FNDC3A: variants seen among roughly 807,000 people sequenced by gnomAD.
FNDC3A encodes fibronectin type-III domain-containing protein 3A.
Under a neutral mutation model 148.9 loss-of-function variants are expected in FNDC3A, and 32 were observed. The ratio of observed to expected loss-of-function variants is 0.21; its 90% CI spans 0.16 to 0.29. FNDC3A has a LOEUF of 0.29. Among genes scored for constraint, FNDC3A ranks in the 10% least tolerant of loss-of-function variants. The pLI is 1.00. For synonymous variants in FNDC3A, 472 were observed against 473.6 expected, an observed-to-expected ratio of 1.00 and a Z score of 0.04; for missense variants, 1,191 against 1,452.8, an observed-to-expected ratio of 0.82 and a Z score of 2.93.
At position 49,207,113 on chromosome 13, in the gene FNDC3A, T is replaced by C. The variant is rs753602695; in HGVS notation, c.3315T>C (p.Tyr1105=). Residue 1105 remains tyrosine (Y), a synonymous_variant, in exon 26 of 26, where the codon TAT becomes TAC. Coordinates refer to ENST00000492622, the MANE Select transcript of FNDC3A (RefSeq NM_001079673.2). ...IYKGPDSSFR[Y]SSLQLNCEYR... Reference sequence around the variant, plus strand: ...AGGGTCCCGACTCTTCCTTCCGGTATTCCAGCCTTCAGCTGAACTGTGAAT... The same window carrying C: ...AGGGTCCCGACTCTTCCTTCCGGTACTCCAGCCTTCAGCTGAACTGTGAAT... The C allele has an allele frequency of 2.5e-5, 40 of 1,614,036 alleles. No individual in the cohort carries two copies. The Middle Eastern group carries it at 2.6e-3, about 106-fold the overall frequency.
intron 2 of FNDC3A, among the ~76,000 whole-genome samples, chr13:49,013,502 G>C (rs1037527190): frequency 6.6e-6 from 1 of 151,338 alleles, no homozygotes; most frequent in Non-Finnish European, 1.5e-5. Flanking sequence ...ACATGTACAT[G>C]CGTATACATA....
intron 12 of FNDC3A, 64 bp from the exon 13 acceptor site, chr13:49,175,303 C>T: frequency 1.7e-6 from 2 of 1,195,100 alleles, no homozygotes; most frequent in Non-Finnish European, 2.3e-6. Flanking sequence ...ACATCTGTCA[C>T]AAACTTGTTC....
At chr13:49,017,830 G>A (rs1193806368) in intron 2 of FNDC3A, among the ~76,000 whole-genome samples, 1 of 151,930 alleles carries the variant, frequency 6.6e-6, no homozygotes, top group Non-Finnish European at 1.5e-5. Context: ...TTGCTTGTCT[G>A]TAAAGTATTT....
intron 2 of FNDC3A, among the ~76,000 whole-genome samples, chr13:49,068,406 T>C (rs943867942): frequency 1.3e-5 from 2 of 152,090 alleles, no homozygotes; most frequent in East Asian, 3.8e-4. Context: ...TAAAAACAGT[T>C]GTTGGATCAC....
At chr13:49,113,477 G>T (rs1052888333) in intron 3 of FNDC3A, among the ~76,000 whole-genome samples, 1 of 152,110 alleles carries the variant, frequency 6.6e-6, no homozygotes, top group Non-Finnish European at 1.5e-5. Context: ...ATCCGGATTT[G>T]TTGTGACCTC....
chr13:49,054,282 TCTGTAGTATACAAC>T (rs1377277994), intron 2 of FNDC3A, among the ~76,000 whole-genome samples: 16 of 152,348 alleles, frequency 1.1e-4, no homozygotes, highest in African/African-American at 3.8e-4. Flanking sequence ...TAATAGTTCA[TCTGTAGTATACAAC>T]CTGTAGTATA....
rs549196090 is a variant in FNDC3A at position 49,115,391 on chromosome 13, A to C, written c.252+660A>C. Among the ~76,000 whole-genome samples the C allele has an allele frequency of 2.0e-5, 3 of 152,284 alleles. No homozygotes were observed. The East Asian group carries it at 5.8e-4, about 29-fold the overall frequency. ...GCTTTGCCTCAATCTATTTTGGGAAATAATCATTTTCTCTCCCTAGCATTG... is the reference window on the plus strand; with the variant it reads ...GCTTTGCCTCAATCTATTTTGGGAACTAATCATTTTCTCTCCCTAGCATTG... On this transcript the variant is annotated intron_variant, in intron 4 of 25. Transcript: ENST00000492622.
intron 2 of FNDC3A, chr13:49,045,588 C>A: frequency 2.2e-6 from 1 of 458,764 alleles, no homozygotes; most frequent in South Asian, 4.1e-5. Flanking sequence ...ATACCATACT[C>A]TCTTAAATGA....
chr13:49,104,619 C>G (rs977248269), intron 3 of FNDC3A, among the ~76,000 whole-genome samples: 6 of 152,136 alleles, frequency 3.9e-5, no homozygotes, highest in Non-Finnish European at 8.8e-5. Context: ...ATGCTCTGCT[C>G]TAGGTACCAT....
chr13:49,136,268 T>C, intron 5 of FNDC3A, 64 bp from the exon 6 acceptor site: 1 of 1,361,438 alleles, frequency 7.3e-7, no homozygotes, highest in Non-Finnish European at 1.0e-6. Context: ...CTGTTCTTTT[T>C]TCATGGCATA....
intron 3 of FNDC3A, 93 bp from the exon 4 acceptor site, chr13:49,114,562 T>C: frequency 5.0e-6 from 4 of 806,020 alleles, no homozygotes; most frequent in Non-Finnish European, 8.8e-6. Context: ...CTTGAGTGTT[T>C]AGATGAAGTA....
At chr13:49,082,701 A>G (rs960460514) in intron 3 of FNDC3A, among the ~76,000 whole-genome samples, 1 of 151,996 alleles carries the variant, frequency 6.6e-6, no homozygotes, top group Non-Finnish European at 1.5e-5. Context: ...TTGAATGAGA[A>G]CCATATCACA....
chr13:49,115,100 T>G (rs1010333798), intron 4 of FNDC3A, among the ~76,000 whole-genome samples: 3 of 151,552 alleles, frequency 2.0e-5, no homozygotes, highest in Admixed American at 2.0e-4. Flanking sequence ...CCAACTTTAT[T>G]CATACAATGA....
intron 3 of FNDC3A, among the ~76,000 whole-genome samples, chr13:49,110,059 T>G (rs951868256): frequency 1.3e-5 from 2 of 152,206 alleles, no homozygotes; most frequent in African/African-American, 4.8e-5. Context: ...ACATCAAATA[T>G]ATATTTCTGA....
chr13:49,132,123 T>C (rs1278649400), intron 5 of FNDC3A, among the ~76,000 whole-genome samples: 1 of 152,180 alleles, frequency 6.6e-6, no homozygotes, highest in East Asian at 1.9e-4. Context: ...CTTACATCAA[T>C]TAGTATCAGT....
At chr13:49,133,299 TATTA>T (rs932698857) in intron 5 of FNDC3A, among the ~76,000 whole-genome samples, 34 of 152,248 alleles carry the variant, frequency 2.2e-4, no homozygotes, top group African/African-American at 7.0e-4. Flanking sequence ...GTTTTAAAAA[TATTA>T]ATTTTTTCTT....
At chr13:49,051,854 G>T (rs1360208608) in intron 2 of FNDC3A, among the ~76,000 whole-genome samples, 1 of 152,052 alleles carries the variant, frequency 6.6e-6, no homozygotes, top group African/African-American at 2.4e-5. Flanking sequence ...CTTCTTGGAG[G>T]CTTTGTTCAT....
At chr13:49,003,708 T>A (rs1310515854) in intron 1 of FNDC3A, among the ~76,000 whole-genome samples, 1 of 152,162 alleles carries the variant, frequency 6.6e-6, no homozygotes, top group African/African-American at 2.4e-5. Context: ...GCAACCTCTC[T>A]GACATTTAAA....
chr13:49,001,931 TG>T (rs1952133050), intron 1 of FNDC3A, among the ~76,000 whole-genome samples: 1 of 152,186 alleles, frequency 6.6e-6, no homozygotes, highest in Non-Finnish European at 1.5e-5. Context: ...ACACCCTATT[TG>T]TACGCTCCCT....
Sources: gnomAD v4.1 joint callset for allele counts (sites outside exome capture counted in the v4.1 genomes callset) on GRCh38, gnomAD v4.1.1 for gene constraint, MANE v1.5 for transcripts, NCBI Gene and HGNC (gene_info 2026-07-23, HGNC 2026-07-21) for gene names.